Variants in GON4L observed in about 807,000 individuals in gnomAD.
GON4L encodes gon-4 like.
A neutral mutation model predicts 211.8 loss-of-function variants in GON4L; 87 were observed. That is an observed-to-expected ratio of 0.41 (90% CI 0.35 to 0.49). GON4L has a LOEUF of 0.49. Among genes scored for constraint, GON4L ranks in the 20% least tolerant of loss-of-function variants. The probability of loss-of-function intolerance (pLI) is 0.15; values close to 1 mark genes in which losing one functional copy is unlikely to be tolerated. For synonymous variants in GON4L, 875 were observed against 962.6 expected, an observed-to-expected ratio of 0.91 and a Z score of 1.68; for missense variants, 2,155 against 2,659.5, an observed-to-expected ratio of 0.81 and a Z score of 4.17.
intron 5 of GON4L, among the ~76,000 whole-genome samples, chr1:155,820,898 C>T (rs1668670949): frequency 6.6e-6 from 1 of 151,886 alleles, no homozygotes; most frequent in East Asian, 1.9e-4. Flanking sequence ...CTGGGAGGAT[C>T]GCTGAGTCCA....
chr1:155,822,250 C>T (rs777517231), intron 4 of GON4L, 36 bp downstream of exon 4: 1 of 1,527,270 alleles, frequency 6.5e-7, no homozygotes, highest in Non-Finnish European at 9.1e-7. Context: ...TGAAAAAGTT[C>T]CCTTCCATTT....
chr1:155,775,521 C>G (rs893352615), intron 16 of GON4L, among the ~76,000 whole-genome samples: 2 of 150,706 alleles, frequency 1.3e-5, no homozygotes, highest in Non-Finnish European at 1.5e-5. Context: ...GTGGTGCGAT[C>G]TTGACTCACT....
intron 6 of GON4L, among the ~76,000 whole-genome samples, chr1:155,819,379 C>G (rs1668541920): frequency 6.6e-6 from 1 of 152,106 alleles, no homozygotes; most frequent in South Asian, 2.1e-4. Flanking sequence ...TTTTCTTCAA[C>G]TGTAGGAAAA....
chr1:155,858,826 C>T (rs969582324), upstream of GON4L, among the ~76,000 whole-genome samples: 4 of 151,266 alleles, frequency 2.6e-5, 1 homozygote, highest in Admixed American at 6.6e-5. Flanking sequence ...CGTGTCTCAG[C>T]CTCCCAAGTA....
chr1:155,752,608 G>C lies in GON4L; in HGVS notation c.5843-18C>G. The stretch of plus-strand genomic sequence containing the variant: ...CAATCCTGCTTAGGAGGAAAATAAG[G>C]ATCTCAGGGTACTGTCAGGTTCAAG... On this transcript the variant is annotated intron_variant, in intron 29 of 31. Transcript: ENST00000368331. The C allele has an allele frequency of 6.4e-7, 1 of 1,567,462 alleles. No homozygotes were observed. The highest frequency in any genetic ancestry group is 2.4e-5 in the East Asian group (1 of 42,396).
intron 2 of GON4L, among the ~76,000 whole-genome samples, chr1:155,838,841 T>A (rs992020422): frequency 5.3e-5 from 8 of 151,342 alleles, no homozygotes; most frequent in Non-Finnish European, 1.0e-4. Flanking sequence ...TAAATGCTTA[T>A]AAGTGAACTT....
chr1:155,848,071 T>C (rs1038973919), intron 2 of GON4L, among the ~76,000 whole-genome samples: 5 of 150,932 alleles, frequency 3.3e-5, no homozygotes, highest in African/African-American at 1.2e-4. Flanking sequence ...CCTTATTTAG[T>C]ATATAATCAA....
At chr1:155,748,864 T>G (rs1660355298), downstream of GON4L, 1 of 1,402,366 alleles carries the variant, frequency 7.1e-7, no homozygotes, top group South Asian at 1.3e-5. Flanking sequence ...TCTCGGGCAT[T>G]CTAATGATGT....
In GON4L at chr1:155,821,590, T is replaced by C. The variant is rs755969943; in HGVS notation, c.889-42A>G. On this transcript the variant is annotated intron_variant, in intron 4 of 31. Coordinates refer to ENST00000368331, the MANE Select transcript of GON4L (RefSeq NM_001282860.2). ...TTTCACTTTATGCAACAAGGGTTTG[T>C]CACCTAGACAATACTCATCTCTCCA... The C allele has an allele frequency of 5.2e-6, 6 of 1,143,152 alleles. No homozygotes were observed. The East Asian group carries it at 1.4e-4, about 27-fold the overall frequency. 70.8% of individuals were successfully genotyped at this position (1,143,152 alleles called of 1,614,324 possible).
chr1:155,780,571 C>A (rs921919567), intron 14 of GON4L, among the ~76,000 whole-genome samples: 1 of 151,712 alleles, frequency 6.6e-6, no homozygotes, highest in African/African-American at 2.4e-5. Context: ...CCAGCCTGGG[C>A]GATAGAGCAA....
At chr1:155,766,950 G>A (rs2101752899) in intron 20 of GON4L, 1 of 592,112 alleles carries the variant, frequency 1.7e-6, no homozygotes, top group Non-Finnish European at 2.9e-6. Flanking sequence ...GGAGGCGGAG[G>A]CAGGAGAATC....
chr1:155,808,936 A>G (rs1324682749), intron 10 of GON4L, among the ~76,000 whole-genome samples: 4 of 151,988 alleles, frequency 2.6e-5, no homozygotes, highest in Non-Finnish European at 5.9e-5. Context: ...TTTTTTTAAA[A>G]AAGTTCTCAT....
chr1:155,823,149 G>A (rs1668884156), intron 3 of GON4L, among the ~76,000 whole-genome samples: 1 of 152,068 alleles, frequency 6.6e-6, no homozygotes, highest in Non-Finnish European at 1.5e-5. Context: ...CGATGGTCTT[G>A]AACTCCTGAC....
At chr1:155,797,106 C>T (rs1355267333) in intron 11 of GON4L, among the ~76,000 whole-genome samples, 1 of 151,880 alleles carries the variant, frequency 6.6e-6, no homozygotes, top group Non-Finnish European at 1.5e-5. Context: ...TACCCTCCCA[C>T]AATATTTTTT....
intron 10 of GON4L, among the ~76,000 whole-genome samples, chr1:155,806,280 A>C (rs1041401395): frequency 6.6e-6 from 1 of 151,456 alleles, no homozygotes; most frequent in Non-Finnish European, 1.5e-5. Context: ...AGCCTCCCAA[A>C]TAGTTGGGAC....
At chr1:155,745,746 C>A (rs1236520926), downstream of GON4L, 13 of 1,040,170 alleles carry the variant, frequency 1.2e-5, no homozygotes, top group Non-Finnish European at 1.7e-5. Context: ...AGTATAACAC[C>A]CGCCCACGCG....
intron 12 of GON4L, among the ~76,000 whole-genome samples, chr1:155,791,019 T>C (rs1665496144): frequency 6.6e-6 from 1 of 151,628 alleles, no homozygotes. Flanking sequence ...CCCAGCACTT[T>C]GGGAGGCTGA....
chr1:155,839,873 G>T (rs1355928826), intron 2 of GON4L, among the ~76,000 whole-genome samples: 1 of 152,114 alleles, frequency 6.6e-6, no homozygotes, highest in Non-Finnish European at 1.5e-5. Flanking sequence ...GAAATTACAA[G>T]AAAATTTGCT....
chr1:155,748,771 C>T (rs1375418298), downstream of GON4L: 28 of 1,613,524 alleles, frequency 1.7e-5, no homozygotes, highest in Non-Finnish European at 2.4e-5. Flanking sequence ...AGGGTATAGA[C>T]AGAGCATGCC....
Sources: gnomAD v4.1 joint callset for allele counts (sites outside exome capture counted in the v4.1 genomes callset) on GRCh38, gnomAD v4.1.1 for gene constraint, MANE v1.5 for transcripts, NCBI Gene and HGNC (gene_info 2026-07-23, HGNC 2026-07-21) for gene names.